Variants in SH3RF1 observed in about 807,000 individuals in gnomAD.
SH3RF1 encodes the protein SH3 domain containing ring finger 1.
Under a neutral mutation model 74.0 loss-of-function variants are expected in SH3RF1, and 32 were observed. That is an observed-to-expected ratio of 0.43 (90% confidence interval 0.33 to 0.58). SH3RF1 has a LOEUF of 0.58. SH3RF1 is among the 20% of genes least tolerant of loss of function. SH3RF1 has a pLI of 0.05. For missense variants in SH3RF1, 954 were observed against 1,130.9 expected (o/e 0.84, Z 2.24); for synonymous variants, 396 against 439.6 (o/e 0.90, Z 1.24).
Position 169,106,097 on chromosome 4 carries a change from T to C in SH3RF1, c.2498+750A>G, listed in dbSNP as rs560346253. On this transcript the variant is annotated intron_variant, in intron 11 of 11. Transcript: ENST00000284637. ...TTTTAACAGTATATATGTGTGTGTG[T>C]ATATATATTTATTATTATTATTATT... Among the ~76,000 whole-genome samples the C allele has an allele frequency of 1.1e-4, 17 of 151,522 alleles. No homozygotes were observed. The East Asian group carries it at 3.1e-3, about 28-fold the overall frequency.
At chr4:169,155,378 T>C (rs1734033563) in intron 4 of SH3RF1, 102 bp downstream of exon 4, 1 of 794,166 alleles carries the variant, frequency 1.3e-6, no homozygotes, top group South Asian at 1.6e-5. Context: ...GCATTCCTGG[T>C]GCTTTTTGTT....
At chr4:169,254,888 C>T (rs533169426) in intron 2 of SH3RF1, among the ~76,000 whole-genome samples, 13 of 152,040 alleles carry the variant, frequency 8.6e-5, no homozygotes, top group Non-Finnish European at 1.5e-4. Flanking sequence ...GACATGTAAA[C>T]GAAACTCAGT....
intron 2 of SH3RF1, among the ~76,000 whole-genome samples, chr4:169,209,852 C>T (rs1345536103): frequency 1.3e-5 from 2 of 152,090 alleles, no homozygotes; most frequent in Non-Finnish European, 2.9e-5. Flanking sequence ...TGCAATGACA[C>T]AATCACGGCT....
chr4:169,192,364 G>A (rs1242946756), intron 2 of SH3RF1, among the ~76,000 whole-genome samples: 2 of 143,020 alleles, frequency 1.4e-5, no homozygotes, highest in African/African-American at 2.6e-5. Context: ...TATACAAATG[G>A]CCAACAAACA....
intron 2 of SH3RF1, among the ~76,000 whole-genome samples, chr4:169,261,264 A>C (rs975998046): frequency 2.6e-5 from 4 of 152,208 alleles, no homozygotes; most frequent in African/African-American, 4.8e-5. Context: ...CAAGCTAAGG[A>C]GAGTCTGCTT....
At chr4:169,250,548 T>C (rs1489985306) in intron 2 of SH3RF1, among the ~76,000 whole-genome samples, 1 of 152,212 alleles carries the variant, frequency 6.6e-6, no homozygotes, top group East Asian at 1.9e-4. Flanking sequence ...GTATAACCAT[T>C]CACTGATTTA....
At chr4:169,224,405 C>A (rs1730622888) in intron 2 of SH3RF1, among the ~76,000 whole-genome samples, 1 of 151,910 alleles carries the variant, frequency 6.6e-6, no homozygotes, top group South Asian at 2.1e-4. Context: ...GCAACCTCCA[C>A]CTCCTGGGTT....
intron 2 of SH3RF1, among the ~76,000 whole-genome samples, chr4:169,240,546 T>G (rs1730891922): frequency 6.6e-6 from 1 of 152,206 alleles, no homozygotes; most frequent in African/African-American, 2.4e-5. Flanking sequence ...CTGTTCAATT[T>G]AAAGATACCA....
At chr4:169,244,172 T>C (rs1317721418) in intron 2 of SH3RF1, among the ~76,000 whole-genome samples, 1 of 152,256 alleles carries the variant, frequency 6.6e-6, no homozygotes, top group Non-Finnish European at 1.5e-5. Context: ...TTTATTTCAA[T>C]CTGTCTTGCT....
intron 2 of SH3RF1, among the ~76,000 whole-genome samples, chr4:169,162,939 C>T (rs1048954563): frequency 2.0e-5 from 3 of 152,274 alleles, no homozygotes; most frequent in African/African-American, 7.2e-5. Flanking sequence ...GGGCTCCACA[C>T]CCTCCATCCT....
chr4:169,262,395 C>T (rs1022083265), intron 2 of SH3RF1, among the ~76,000 whole-genome samples: 18 of 152,062 alleles, frequency 1.2e-4, no homozygotes, highest in Non-Finnish European at 2.9e-5. Context: ...GGCTGGGTGC[C>T]GCAGCTCACG....
At chr4:169,222,541 T>C (rs775840022) in intron 2 of SH3RF1, among the ~76,000 whole-genome samples, 1 of 150,060 alleles carries the variant, frequency 6.7e-6, no homozygotes, top group Non-Finnish European at 1.5e-5. Context: ...TTAACTGTTC[T>C]GTATATTTTG....
intron 2 of SH3RF1, among the ~76,000 whole-genome samples, chr4:169,165,358 G>C (rs1029024017): frequency 6.6e-6 from 1 of 152,066 alleles, no homozygotes; most frequent in African/African-American, 2.4e-5. Flanking sequence ...AGGGAGAGGG[G>C]TGTGTTGAGA....
chr4:169,121,882 A>G (rs185615023), intron 7 of SH3RF1, among the ~76,000 whole-genome samples: 1 of 152,342 alleles, frequency 6.6e-6, no homozygotes, highest in Non-Finnish European at 1.5e-5. Context: ...GCAGTTTCAT[A>G]CCCATATAAT....
intron 2 of SH3RF1, among the ~76,000 whole-genome samples, chr4:169,192,819 G>A (rs1734747096): frequency 6.8e-6 from 1 of 146,990 alleles, no homozygotes; most frequent in Non-Finnish European, 1.5e-5. Context: ...ATATATATGT[G>A]ATATATATAT....
At position 169,258,044 on chromosome 4, in the gene SH3RF1, T is replaced by C. The variant is rs1731220047; in HGVS notation, c.393+10776A>G. Among the ~76,000 whole-genome samples the C allele has an allele frequency of 3.3e-5, 5 of 152,332 alleles. No individual in the cohort carries two copies. In the South Asian group the frequency reaches 8.3e-4, roughly 25 times the overall value. On this transcript the variant is annotated intron_variant, in intron 2 of 11. Coordinates refer to ENST00000284637, the MANE Select transcript of SH3RF1 (RefSeq NM_020870.4). ...ATCTGAGTTTGTCCTAAATGTTTGA[T>C]ATCAAAGTTGGCTTTTGCTACGGTA...
intron 2 of SH3RF1, among the ~76,000 whole-genome samples, chr4:169,184,197 C>T (rs139738010): frequency 2.3e-4 from 35 of 152,286 alleles, no homozygotes; most frequent in Non-Finnish European, 4.3e-4. Context: ...CCATTTGGTA[C>T]GGCAGGAGAT....
chr4:169,176,113 AG>A (rs2126976042), intron 2 of SH3RF1, among the ~76,000 whole-genome samples: 1 of 152,350 alleles, frequency 6.6e-6, no homozygotes, highest in East Asian at 1.9e-4. Flanking sequence ...AGATTCTGCC[AG>A]CTCCTTGAGC....
At chr4:169,201,656 T>G (rs1734910870) in intron 2 of SH3RF1, 1 of 152,242 alleles carries the variant, frequency 6.6e-6, no homozygotes, top group African/African-American at 2.4e-5. Context: ...GTCAAAGTTA[T>G]AATTTTGTAT....
Sources: allele counts gnomAD v4.1 joint callset (sites outside exome capture counted in the v4.1 genomes callset), GRCh38; gene constraint gnomAD v4.1.1; transcripts MANE v1.5; gene names NCBI Gene and HGNC (gene_info 2026-07-23, HGNC 2026-07-21).